FAF1: variants seen among roughly 807,000 people sequenced by gnomAD.
The protein encoded by FAF1 is FAS-associated factor 1.
Under a neutral mutation model 92.5 loss-of-function variants are expected in FAF1, and 25 were observed. The ratio of observed to expected loss-of-function variants is 0.27; its 90% CI spans 0.20 to 0.38. FAF1 has a LOEUF of 0.38. Ranked by LOEUF, FAF1 falls within the 10% of genes least tolerant of loss-of-function variation. The probability of loss-of-function intolerance (pLI) is 1.00; values close to 1 mark genes in which losing one functional copy is unlikely to be tolerated. For synonymous variants in FAF1, 234 were observed against 273.2 expected, an observed-to-expected ratio of 0.86 and a Z score of 1.42; for missense variants, 636 against 793.3, an observed-to-expected ratio of 0.80 and a Z score of 2.38.
At chr1:50,547,416 A>T (rs1475277775) in intron 13 of FAF1, among the ~76,000 whole-genome samples, 2 of 145,422 alleles carry the variant, frequency 1.4e-5, no homozygotes, top group African/African-American at 5.6e-5. Flanking sequence ...AAAGCCACGT[A>T]ATTTTTTTTT....
At chr1:50,844,885 T>C (rs1306430023) in intron 2 of FAF1, among the ~76,000 whole-genome samples, 1 of 151,978 alleles carries the variant, frequency 6.6e-6, no homozygotes, top group Non-Finnish European at 1.5e-5. Flanking sequence ...AAAGGCTGTG[T>C]GGAAGAAAAG....
intron 4 of FAF1, among the ~76,000 whole-genome samples, chr1:50,778,838 G>C (rs576540205): frequency 2.0e-5 from 3 of 147,574 alleles, no homozygotes; most frequent in South Asian, 2.2e-4. Context: ...AAAACACACA[G>C]ACACACACAC....
chr1:50,563,557 GA>G (rs530096048), intron 13 of FAF1, among the ~76,000 whole-genome samples: 1 of 151,962 alleles, frequency 6.6e-6, no homozygotes, highest in South Asian at 2.1e-4. Context: ...ATTTTCCAAG[GA>G]AAAAACCTCC....
chr1:50,604,131 A>G (rs775561278), intron 8 of FAF1, among the ~76,000 whole-genome samples: 40 of 152,208 alleles, frequency 2.6e-4, no homozygotes, highest in Non-Finnish European at 2.4e-4. Context: ...ACAAGATACT[A>G]GATTTGGAAG....
At chr1:50,525,542 C>T (rs1211952110) in intron 15 of FAF1, among the ~76,000 whole-genome samples, 1 of 152,100 alleles carries the variant, frequency 6.6e-6, no homozygotes, top group African/African-American at 2.4e-5. Context: ...AATCTGTATG[C>T]CTTTTATTTC....
intron 4 of FAF1, among the ~76,000 whole-genome samples, chr1:50,757,288 G>T (rs910609692): frequency 1.3e-5 from 2 of 152,116 alleles, no homozygotes; most frequent in Non-Finnish European, 1.5e-5. Flanking sequence ...TTTGTCTGTT[G>T]TTCTGAACAT....
Position 50,583,744 on chromosome 1 carries a change from A to AACAAAAAAACAAAACAAATAG in FAF1, c.968-50_968-30dup. The AACAAAAAAACAAAACAAATAG allele has an allele frequency of 6.8e-7, 1 of 1,464,490 alleles. No individual in the cohort carries two copies. The highest frequency in any genetic ancestry group is 9.4e-7 in the Non-Finnish European group (1 of 1,062,690). 90.7% of individuals were successfully genotyped at this position (1,464,490 alleles called of 1,614,324 possible). A position where few individuals can be genotyped will look rare whatever the true frequency, so the allele number is the denominator to read the frequency against. On this transcript the variant is annotated intron_variant, in intron 10 of 18. Coordinates refer to ENST00000396153, the MANE Select transcript of FAF1 (RefSeq NM_007051.3). The surrounding 1 kb of genome is among the most constrained non-coding windows in gnomAD (Gnocchi z 4.2). Reference sequence around the variant, plus strand: ...AAAAACAAACAAAAGAAAAAACAAAAACAAAAAAACAAAACAAATAGACAC... The same window carrying AACAAAAAAACAAAACAAATAG: ...AAAAACAAACAAAAGAAAAAACAAAAACAAAAAAACAAAACAAATAGACAAAAAAACAAAACAAATAGACAC...
At chr1:50,533,178 C>T (rs868354507) in intron 15 of FAF1, among the ~76,000 whole-genome samples, 49 of 152,092 alleles carry the variant, frequency 3.2e-4, no homozygotes, top group African/African-American at 1.1e-3. Context: ...AACATGGCTC[C>T]CTGTAGCCTC....
chr1:50,650,623 A>C (rs537028564), intron 8 of FAF1, among the ~76,000 whole-genome samples: 1 of 152,230 alleles, frequency 6.6e-6, no homozygotes, highest in Admixed American at 6.5e-5. Context: ...GTCTCAAAAA[A>C]ATATATAAAT....
intron 8 of FAF1, among the ~76,000 whole-genome samples, chr1:50,635,356 C>G (rs1415718343): frequency 6.6e-6 from 1 of 152,206 alleles, no homozygotes; most frequent in African/African-American, 2.4e-5. Flanking sequence ...TACTTTCCCT[C>G]TACAACTTGA....
At chr1:50,465,195 T>A (rs756483294) in intron 18 of FAF1, among the ~76,000 whole-genome samples, 5 of 152,188 alleles carry the variant, frequency 3.3e-5, no homozygotes, top group Admixed American at 1.3e-4. Flanking sequence ...CAGTTTCAGT[T>A]TTGAAGCTAT....
In FAF1 at chr1:50,878,873, A is replaced by G. The variant is rs192720296; in HGVS notation, c.46-20876T>C. 1.7e-3 allele frequency among the ~76,000 whole-genome samples: 259 copies of G among 152,332 alleles called. 1 individual carries two copies. The highest frequency in any genetic ancestry group is 6.8e-3 in the Middle Eastern group (2 of 294). ...CCCAGAATCACAGTGTTAGCAAATG[A>G]TATTAGAATTACAATCCCAGAACAC... is the stretch of plus-strand genomic sequence containing the variant. On this transcript the variant is annotated intron_variant, in intron 1 of 18. Coordinates refer to ENST00000396153, the MANE Select transcript of FAF1 (RefSeq NM_007051.3).
intron 15 of FAF1, among the ~76,000 whole-genome samples, chr1:50,515,565 T>G (rs1450653009): frequency 6.6e-6 from 1 of 151,982 alleles, no homozygotes; most frequent in African/African-American, 2.4e-5. Context: ...ATAACAGAAA[T>G]TATAACAAAA....
rs542749509 is a variant in FAF1 at position 50,766,008 on chromosome 1, C to G, written c.368-21233G>C. On this transcript the variant is annotated intron_variant, in intron 4 of 18. Transcript: ENST00000396153. ...TCGGGAGGCTGAGGCAGAAGAATAG[C>G]TTGAACCCGGGAGGCGCAGGGTGCA... 7.2e-5 allele frequency among the ~76,000 whole-genome samples: 11 copies of G among 152,208 alleles called. No homozygotes were observed. The South Asian group carries it at 2.3e-3, about 32-fold the overall frequency.
At chr1:50,507,103 G>T (rs905381475) in intron 15 of FAF1, among the ~76,000 whole-genome samples, 4 of 152,150 alleles carry the variant, frequency 2.6e-5, no homozygotes, top group African/African-American at 9.7e-5. Context: ...TAATCTACAT[G>T]CATGACATAT....
chr1:50,905,455 G>A (rs187991180), intron 1 of FAF1, among the ~76,000 whole-genome samples: 286 of 152,244 alleles, frequency 1.9e-3, no homozygotes, highest in South Asian at 0.013. Flanking sequence ...TTGAGGAATC[G>A]CCACACTGTC....
At chr1:50,849,179 A>G (rs1644327768) in intron 2 of FAF1, among the ~76,000 whole-genome samples, 1 of 152,044 alleles carries the variant, frequency 6.6e-6, no homozygotes, top group South Asian at 2.1e-4. Context: ...AGGCAGGAGA[A>G]TCGCTTGAAC....
intron 8 of FAF1, among the ~76,000 whole-genome samples, chr1:50,613,806 C>A (rs996375687): frequency 6.6e-6 from 1 of 151,606 alleles, no homozygotes; most frequent in Non-Finnish European, 1.5e-5. Context: ...AACAAACAAA[C>A]AAAAAAACCA....
chr1:50,770,744 A>G (rs114292605), intron 4 of FAF1, among the ~76,000 whole-genome samples: 2,210 of 152,336 alleles, frequency 0.015, 19 homozygotes, highest in Non-Finnish European at 0.023. Flanking sequence ...CACAATTAGA[A>G]AAGACTATTT....
Sources: allele counts gnomAD v4.1 joint callset (sites outside exome capture counted in the v4.1 genomes callset), GRCh38; gene constraint gnomAD v4.1.1; non-coding constraint Gnocchi (gnomAD v3.1); transcripts MANE v1.5; gene names NCBI Gene and HGNC (gene_info 2026-07-23, HGNC 2026-07-21).